Variants in NFIL3 observed in about 807,000 individuals in gnomAD.
The protein encoded by NFIL3 is nuclear factor interleukin-3-regulated protein.
Under a neutral mutation model 10.0 loss-of-function variants are expected in NFIL3, and 5 were observed. The ratio of observed to expected loss-of-function variants is 0.50; its 90% CI spans 0.26 to 1.06. The LOEUF is 1.06. Ranked by LOEUF, NFIL3 falls within the 50% of genes least tolerant of loss-of-function variation. The pLI is 0.13. For missense variants in NFIL3, 436 were observed against 547.6 expected (o/e 0.80, Z 2.03); for synonymous variants, 202 against 206.5 (o/e 0.98, Z 0.19).
chr9:91,443,399 C>T, the NFIL3 span, among the ~76,000 whole-genome samples: 1 of 152,242 alleles, frequency 6.6e-6, no homozygotes, highest in African/African-American at 2.4e-5. Context: ...TGTATGCCTC[C>T]TGCCACCAAT....
At chr9:91,478,288 A>T in the NFIL3 span, among the ~76,000 whole-genome samples, 1 of 152,104 alleles carries the variant, frequency 6.6e-6, no homozygotes, top group African/African-American at 2.4e-5. Context: ...AGGTACACCA[A>T]TCAGACACAG....
the NFIL3 span, among the ~76,000 whole-genome samples, chr9:91,475,050 G>C: frequency 7.9e-5 from 12 of 152,356 alleles, no homozygotes; most frequent in East Asian, 5.8e-4. Flanking sequence ...GCTGCTGTTA[G>C]TCAGGGGTTC....
the NFIL3 span, among the ~76,000 whole-genome samples, chr9:91,452,573 G>A: frequency 6.6e-6 from 1 of 152,102 alleles, no homozygotes; most frequent in South Asian, 2.1e-4. Flanking sequence ...TCAGGAGTTC[G>A]AGACCAGCCT....
the NFIL3 span, among the ~76,000 whole-genome samples, chr9:91,435,629 T>G: frequency 6.6e-6 from 1 of 152,160 alleles, no homozygotes; most frequent in East Asian, 1.9e-4. Flanking sequence ...CTGAGGAGTG[T>G]AGGAAGAAAG....
the NFIL3 span, among the ~76,000 whole-genome samples, chr9:91,460,198 AG>A: frequency 6.6e-6 from 1 of 151,030 alleles, no homozygotes; most frequent in African/African-American, 2.4e-5. Flanking sequence ...GTGAGGGACC[AG>A]GGGAGTGAGA....
chr9:91,477,998 G>C, the NFIL3 span, among the ~76,000 whole-genome samples: 1 of 152,144 alleles, frequency 6.6e-6, no homozygotes, highest in East Asian at 1.9e-4. Flanking sequence ...CTGGCTTGTA[G>C]GGTTTCTGCA....
chr9:91,445,340 T>A, the NFIL3 span, among the ~76,000 whole-genome samples: 1 of 152,186 alleles, frequency 6.6e-6, no homozygotes. Flanking sequence ...GTGAGGCCAG[T>A]TGTTGCAGCA....
chr9:91,456,342 C>T, the NFIL3 span, among the ~76,000 whole-genome samples: 2 of 152,114 alleles, frequency 1.3e-5, no homozygotes, highest in African/African-American at 4.8e-5. Context: ...TTTTCTATTC[C>T]TATCAGAAGA....
chr9:91,447,543 A>C, the NFIL3 span, among the ~76,000 whole-genome samples: 6 of 152,290 alleles, frequency 3.9e-5, no homozygotes, highest in Admixed American at 3.9e-4. Flanking sequence ...CTGTGAAGTG[A>C]TATCTCATTG....
chr9:91,472,157 T>G, the NFIL3 span, among the ~76,000 whole-genome samples: 1,814 of 152,312 alleles, frequency 0.012, 85 homozygotes, highest in East Asian at 0.17. Flanking sequence ...CATTTCAACC[T>G]TGGTGAATCT....
chr9:91,458,276 T>G, the NFIL3 span, among the ~76,000 whole-genome samples: 2 of 152,094 alleles, frequency 1.3e-5, no homozygotes, highest in African/African-American at 4.8e-5. Context: ...TCCTGGAGTT[T>G]TCTTTGCTGG....
Position 91,409,577 on chromosome 9 carries a change from A to C in NFIL3, c.1158T>G (p.Thr386=), listed in dbSNP as rs1833499134. 1 of 1,614,034 alleles carries C rather than the reference A, an allele frequency of 6.2e-7. No homozygotes were observed. The highest frequency in any genetic ancestry group is 1.3e-5 in the African/African-American group (1 of 74,936). ...ATTTGAGAGACCAATCTTGAATGTTAGTCACTTGCACTGAGAAAGGAGTAA... is the reference window on the plus strand; with the variant it reads ...ATTTGAGAGACCAATCTTGAATGTTCGTCACTTGCACTGAGAAAGGAGTAA... ...SSLTPFSVQV[T]NIQDWSLKSE... is the part of the protein sequence containing the mutation. The change falls in exon 2 of 2, where the codon ACT becomes ACG. Residue 386 remains threonine, a synonymous_variant. Transcript: ENST00000297689.
the NFIL3 span, among the ~76,000 whole-genome samples, chr9:91,452,011 A>G: frequency 6.6e-6 from 1 of 152,160 alleles, no homozygotes; most frequent in African/African-American, 2.4e-5. Context: ...AAGCCCCTCA[A>G]CCATCTGAAT....
the NFIL3 span, among the ~76,000 whole-genome samples, chr9:91,481,515 ATAATT>A: frequency 3.3e-5 from 5 of 152,296 alleles, no homozygotes; most frequent in African/African-American, 1.2e-4. Context: ...ATACAATACT[ATAATT>A]AAATTACACC....
chr9:91,476,812 G>A, the NFIL3 span, among the ~76,000 whole-genome samples: 10 of 152,298 alleles, frequency 6.6e-5, no homozygotes, highest in African/African-American at 2.4e-4. Context: ...TGCACGTAAA[G>A]CAGCTAATGG....
the NFIL3 span, among the ~76,000 whole-genome samples, chr9:91,448,345 A>G: frequency 6.6e-6 from 1 of 152,228 alleles, no homozygotes; most frequent in Admixed American, 6.5e-5. Context: ...GCTTCCATCC[A>G]TGACAGAAAG....
intron 1 of NFIL3, among the ~76,000 whole-genome samples, chr9:91,416,567 G>A (rs1833662070): frequency 6.6e-6 from 1 of 152,136 alleles, no homozygotes; most frequent in South Asian, 2.1e-4. Flanking sequence ...CCAATTCTAT[G>A]ATGTTAGTGT....
At chr9:91,432,566 G>T in the NFIL3 span, among the ~76,000 whole-genome samples, 1 of 152,190 alleles carries the variant, frequency 6.6e-6, no homozygotes, top group Admixed American at 6.5e-5. Context: ...ATGACTCTCA[G>T]TCTTGCAGAG....
chr9:91,429,276 C>G, the NFIL3 span, among the ~76,000 whole-genome samples: 12 of 152,180 alleles, frequency 7.9e-5, no homozygotes, highest in Non-Finnish European at 1.6e-4. Context: ...CCAAGGGGAT[C>G]ATTTCACCTC....
Sources: gnomAD v4.1 joint callset for allele counts (sites outside exome capture counted in the v4.1 genomes callset) on GRCh38, gnomAD v4.1.1 for gene constraint, MANE v1.5 for transcripts, NCBI Gene and HGNC (gene_info 2026-07-23, HGNC 2026-07-21) for gene names.